SEMA6D: variants seen among roughly 807,000 people sequenced by gnomAD.
SEMA6D encodes the protein semaphorin-6D.
A neutral mutation model predicts 106.6 loss-of-function variants in SEMA6D; 35 were observed. The observed-to-expected ratio is 0.33, with a 90% confidence interval of 0.25 to 0.44. SEMA6D has a LOEUF of 0.44. SEMA6D is among the 20% of genes least tolerant of loss of function. The pLI is 1.00. For synonymous variants in SEMA6D, 499 were observed against 487.7 expected, an observed-to-expected ratio of 1.02 and a Z score of -0.31; for missense variants, 1,185 against 1,345.9, an observed-to-expected ratio of 0.88 and a Z score of 1.87.
chr15:47,239,666 G>A (rs1319551395), intron 1 of SEMA6D, among the ~76,000 whole-genome samples: 2 of 152,028 alleles, frequency 1.3e-5, no homozygotes, highest in Non-Finnish European at 2.9e-5. Flanking sequence ...GTGTGTAAGA[G>A]CCTGGCTGGC....
chr15:47,764,260 A>AGGG lies in SEMA6D; in HGVS notation c.1052_1053insGGG (p.Asp351delinsGluGly). ...CGGTTTAAGGAACAGAAAACTCCAGATTCTGTTTGGACAGCAGTTCCCGAA... is the reference window on the plus strand; with the variant it reads ...CGGTTTAAGGAACAGAAAACTCCAGAGGGTTCTGTTTGGACAGCAGTTCCCGAA... On this transcript the variant is annotated protein_altering_variant, in exon 11 of 19. Coordinates refer to ENST00000536845, the MANE Select transcript of SEMA6D (RefSeq NM_001358351.3). 6.2e-7 allele frequency: 1 copy of AGGG among 1,613,780 alleles called. No individual in the cohort carries two copies. Among genetic ancestry groups the AGGG allele is most frequent in the Non-Finnish European group, 8.5e-7 (1 of 1,179,744 alleles).
At chr15:47,435,385 A>G (rs902086655) in intron 2 of SEMA6D, among the ~76,000 whole-genome samples, 2 of 152,102 alleles carry the variant, frequency 1.3e-5, no homozygotes, top group Non-Finnish European at 2.9e-5. Context: ...CTGTAGCAAA[A>G]TTTGGCTTCC....
At chr15:47,254,875 T>TTTTTTTTG (rs1555411185) in intron 1 of SEMA6D, among the ~76,000 whole-genome samples, 41 of 134,308 alleles carry the variant, frequency 3.1e-4, no homozygotes, top group African/African-American at 1.1e-3. Context: ...ACCTGTGGTT[T>TTTTTTTTG]TGTGTGTGTG....
At chr15:47,314,722 C>T (rs1418078358) in intron 1 of SEMA6D, among the ~76,000 whole-genome samples, 1 of 151,438 alleles carries the variant, frequency 6.6e-6, no homozygotes, top group East Asian at 1.9e-4. Flanking sequence ...AGTCTCTGGA[C>T]ATGGACTTTC....
At chr15:47,348,937 C>G (rs2038199301) in intron 1 of SEMA6D, among the ~76,000 whole-genome samples, 2 of 151,936 alleles carry the variant, frequency 1.3e-5, no homozygotes. Flanking sequence ...GAAATTAGAT[C>G]CCTTCTGTGG....
chr15:47,373,132 A>G (rs935831154), intron 1 of SEMA6D, among the ~76,000 whole-genome samples: 2 of 152,194 alleles, frequency 1.3e-5, no homozygotes, highest in African/African-American at 4.8e-5. Flanking sequence ...TGGCACAATG[A>G]CAATAATCAA....
At chr15:47,689,553 G>T (rs1784398082) in intron 4 of SEMA6D, among the ~76,000 whole-genome samples, 1 of 152,214 alleles carries the variant, frequency 6.6e-6, no homozygotes, top group Non-Finnish European at 1.5e-5. Flanking sequence ...CCTCTGCATT[G>T]CTTTCTTCAG....
intron 1 of SEMA6D, among the ~76,000 whole-genome samples, chr15:47,260,567 C>T (rs2034023177): frequency 6.6e-6 from 1 of 152,084 alleles, no homozygotes; most frequent in Non-Finnish European, 1.5e-5. Flanking sequence ...GAAGAGATTT[C>T]TGTGATGTGA....
At chr15:47,212,126 C>G (rs576473548) in intron 1 of SEMA6D, among the ~76,000 whole-genome samples, 1 of 152,288 alleles carries the variant, frequency 6.6e-6, no homozygotes, top group East Asian at 1.9e-4. Flanking sequence ...TTCACCCAAT[C>G]CCCAGCAAAT....
chr15:47,377,362 C>T (rs1338663175), intron 1 of SEMA6D, among the ~76,000 whole-genome samples: 1 of 152,050 alleles, frequency 6.6e-6, no homozygotes, highest in East Asian at 1.9e-4. Flanking sequence ...CCTAGCAATT[C>T]AATGAGATGG....
intron 2 of SEMA6D, among the ~76,000 whole-genome samples, chr15:47,425,771 A>G (rs1374288447): frequency 5.3e-5 from 8 of 151,764 alleles, no homozygotes. Flanking sequence ...CCCAGGTTCA[A>G]GCGAGGTAAA....
intron 3 of SEMA6D, among the ~76,000 whole-genome samples, chr15:47,584,715 C>T (rs915512128): frequency 1.3e-5 from 2 of 152,140 alleles, no homozygotes; most frequent in Admixed American, 6.5e-5. Flanking sequence ...GGCTTTAAAC[C>T]TCTGGGGCCT....
chr15:47,195,720 C>A (rs371589168), intron 1 of SEMA6D, among the ~76,000 whole-genome samples: 6 of 152,048 alleles, frequency 3.9e-5, no homozygotes, highest in Non-Finnish European at 7.4e-5. Flanking sequence ...ATCTTGTGCT[C>A]GCCGTGTTTG....
At chr15:47,396,807 T>A (rs944631102) in intron 1 of SEMA6D, 1 of 152,122 alleles carries the variant, frequency 6.6e-6, no homozygotes, top group Non-Finnish European at 1.5e-5. Flanking sequence ...TTAGTATTAA[T>A]CCTCACAGGG....
chr15:47,620,715 C>CAT (rs150260097), intron 4 of SEMA6D, among the ~76,000 whole-genome samples: 32,209 of 148,560 alleles, frequency 0.22, 3,736 homozygotes, highest in South Asian at 0.32. Context: ...TATATACACA[C>CAT]ATATATATAT....
At chr15:47,708,469 AT>A (rs1260265769) in intron 4 of SEMA6D, among the ~76,000 whole-genome samples, 1 of 152,208 alleles carries the variant, frequency 6.6e-6, no homozygotes, top group Non-Finnish European at 1.5e-5. Context: ...CTGCAGTATT[AT>A]GCATTTCCCC....
intron 3 of SEMA6D, 79 bp from the exon 4 acceptor site, chr15:47,760,898 GA>G (rs1389705293): frequency 1.6e-6 from 2 of 1,262,974 alleles, no homozygotes; most frequent in African/African-American, 1.5e-5. Flanking sequence ...AATAAAGGCA[GA>G]TCTGTAAAAA....
chr15:47,497,243 A>G (rs1015272048), intron 3 of SEMA6D, among the ~76,000 whole-genome samples: 8 of 151,670 alleles, frequency 5.3e-5, no homozygotes, highest in Non-Finnish European at 1.2e-4. Context: ...TCCTCCATAA[A>G]CCACTTTTAC....
chr15:47,452,471 T>C (rs1367069061), intron 2 of SEMA6D, among the ~76,000 whole-genome samples: 2 of 152,026 alleles, frequency 1.3e-5, no homozygotes, highest in African/African-American at 4.8e-5. Context: ...TTATTTTATC[T>C]ACCTATGGTG....
Sources: gnomAD v4.1 joint callset for allele counts (sites outside exome capture counted in the v4.1 genomes callset) on GRCh38, gnomAD v4.1.1 for gene constraint, MANE v1.5 for transcripts, NCBI Gene and HGNC (gene_info 2026-07-23, HGNC 2026-07-21) for gene names.